The following EYS variants were observed in gnomAD, a reference collection of about 807,000 sequenced individuals.
EYS encodes protein eyes shut homolog.
EYS carries 250 observed loss-of-function variants against 282.1 expected under a neutral mutation model. The observed-to-expected ratio is 0.89, with a 90% confidence interval of 0.80 to 0.98. The LOEUF is 0.98. EYS is among the 50% of genes least tolerant of loss of function. The probability of loss-of-function intolerance (pLI) is 0.00; values close to 1 mark genes in which losing one functional copy is unlikely to be tolerated. For synonymous variants in EYS, 1,355 were observed against 1,282.9 expected, an observed-to-expected ratio of 1.06 and a Z score of -1.20; for missense variants, 4,016 against 3,709.0, an observed-to-expected ratio of 1.08 and a Z score of -2.15.
At chr6:64,380,910 G>C (rs1772724419) in intron 29 of EYS, among the ~76,000 whole-genome samples, 1 of 151,914 alleles carries the variant, frequency 6.6e-6, no homozygotes, top group Non-Finnish European at 1.5e-5. Flanking sequence ...AGCCACTCAG[G>C]AGGCTGAGGC....
At chr6:63,996,889 A>G (rs985448660) in intron 34 of EYS, among the ~76,000 whole-genome samples, 2 of 152,202 alleles carry the variant, frequency 1.3e-5, no homozygotes. Context: ...AATTACCAGA[A>G]AAACCTCCAA....
Position 65,524,454 on chromosome 6 carries a change from A to G in EYS, c.-332-28461T>C, listed in dbSNP as rs144891015. ...AGTGAGTGGTACCACTTTCATTTCC[A>G]CTCTCTAAATGTTGGACCGTGAATC... On this transcript the variant is annotated intron_variant, in intron 2 of 42. Transcript: ENST00000503581. Among the ~76,000 whole-genome samples, 392 of 151,958 alleles carry G rather than the reference A, an allele frequency of 2.6e-3. 2 individuals are homozygous for G. Among genetic ancestry groups the G allele is most frequent in the African/African-American group, 9.2e-3 (383 of 41,448 alleles).
chr6:64,500,007 AG>A (rs1449559524), intron 26 of EYS, among the ~76,000 whole-genome samples: 1 of 152,086 alleles, frequency 6.6e-6, no homozygotes. Context: ...TTTGATAAAG[AG>A]GGCTTAAAAA....
At chr6:63,765,235 G>C (rs921173645) in intron 40 of EYS, among the ~76,000 whole-genome samples, 15 of 152,040 alleles carry the variant, frequency 9.9e-5, no homozygotes, top group Non-Finnish European at 1.9e-4. Context: ...AACACAGGAG[G>C]CTCCATTTTT....
intron 14 of EYS, among the ~76,000 whole-genome samples, chr6:64,979,169 C>T (rs977297047): frequency 5.3e-5 from 8 of 151,708 alleles, no homozygotes; most frequent in Non-Finnish European, 1.2e-4. Context: ...AAACCAAAAA[C>T]TGTATGACTC....
At chr6:63,934,695 AC>A (rs1161982782) in intron 35 of EYS, among the ~76,000 whole-genome samples, 1 of 148,670 alleles carries the variant, frequency 6.7e-6, no homozygotes, top group East Asian at 2.1e-4. Context: ...TGGGAATTGA[AC>A]AATGAGAACA....
chr6:65,434,359 T>C lies in EYS; in HGVS notation c.863-28992A>G, dbSNP rs532449867. Among the ~76,000 whole-genome samples the C allele has an allele frequency of 2.2e-3, 337 of 151,740 alleles. 1 individual carries two copies. Among genetic ancestry groups the C allele is most frequent in the Non-Finnish European group, 3.4e-3 (232 of 67,870 alleles). Reference sequence around the variant, plus strand: ...TTTTTGAGACGGAGTCTCGCTCTGTTGCCCAGGCTGGAGTGCAGTGGTGCA... The same window carrying C: ...TTTTTGAGACGGAGTCTCGCTCTGTCGCCCAGGCTGGAGTGCAGTGGTGCA... On this transcript the variant is annotated intron_variant, in intron 5 of 42. Coordinates refer to ENST00000503581, the MANE Select transcript of EYS (RefSeq NM_001142800.2).
chr6:65,599,176 G>A (rs1254065179), intron 2 of EYS, among the ~76,000 whole-genome samples: 4 of 152,014 alleles, frequency 2.6e-5, no homozygotes, highest in African/African-American at 9.7e-5. Context: ...GATTTTGGCA[G>A]ATGAATGTGA....
chr6:63,991,977 A>G (rs904196688), intron 34 of EYS, among the ~76,000 whole-genome samples: 1 of 151,836 alleles, frequency 6.6e-6, no homozygotes, highest in African/African-American at 2.4e-5. Flanking sequence ...CCTGCAAACC[A>G]AGAATACTGT....
chr6:65,009,188 G>A (rs1209400978), intron 13 of EYS, among the ~76,000 whole-genome samples: 4 of 151,928 alleles, frequency 2.6e-5, no homozygotes, highest in Non-Finnish European at 1.5e-5. Flanking sequence ...AAAACTAAGG[G>A]ATCCCACCTC....
At chr6:65,084,334 T>C (rs1328690972) in intron 12 of EYS, among the ~76,000 whole-genome samples, 2 of 152,048 alleles carry the variant, frequency 1.3e-5, no homozygotes, top group Admixed American at 6.6e-5. Flanking sequence ...CGATGAACAG[T>C]AGAAAATCAG....
chr6:63,954,868 CT>C (rs977501540), intron 35 of EYS, among the ~76,000 whole-genome samples: 7 of 152,158 alleles, frequency 4.6e-5, no homozygotes, highest in Non-Finnish European at 8.8e-5. Context: ...TAGCCCAACT[CT>C]TAGAACCTCT....
At chr6:63,835,337 CTA>C (rs918603132) in intron 36 of EYS, among the ~76,000 whole-genome samples, 2 of 150,026 alleles carry the variant, frequency 1.3e-5, no homozygotes, top group Admixed American at 6.7e-5. Context: ...TACTCTCTCT[CTA>C]TATATATATA....
intron 36 of EYS, among the ~76,000 whole-genome samples, chr6:63,811,896 T>A (rs1771056450): frequency 6.6e-6 from 1 of 152,174 alleles, no homozygotes; most frequent in African/African-American, 2.4e-5. Flanking sequence ...AACTTCATCT[T>A]CAAAATATAT....
intron 36 of EYS, among the ~76,000 whole-genome samples, chr6:63,839,202 T>C (rs1369127436): frequency 6.6e-6 from 1 of 152,214 alleles, no homozygotes; most frequent in Non-Finnish European, 1.5e-5. Context: ...AACTAACCTT[T>C]GGCTATCCCC....
intron 35 of EYS, among the ~76,000 whole-genome samples, chr6:63,878,332 C>A (rs1040229505): frequency 6.6e-6 from 1 of 152,180 alleles, no homozygotes; most frequent in Non-Finnish European, 1.5e-5. Context: ...GATCCTTGGT[C>A]TGGAAGCTTC....
chr6:64,886,927 C>A, intron 18 of EYS, 85 bp from the exon 19 acceptor site: 1 of 831,334 alleles, frequency 1.2e-6, no homozygotes, highest in Non-Finnish European at 1.8e-6. Flanking sequence ...ATTTTAAATT[C>A]AAGACATTCA....
chr6:63,963,780 T>C (rs970556078), intron 35 of EYS, among the ~76,000 whole-genome samples: 1 of 152,186 alleles, frequency 6.6e-6, no homozygotes, highest in African/African-American at 2.4e-5. Context: ...TAGCTTTAAT[T>C]TCATTTAAAT....
At chr6:65,669,825 C>A (rs1368247595) in intron 1 of EYS, among the ~76,000 whole-genome samples, 3 of 151,946 alleles carry the variant, frequency 2.0e-5, no homozygotes, top group African/African-American at 7.2e-5. Context: ...ATGGCTTTGT[C>A]ACACAGGAAT....
Sources: gnomAD v4.1 joint callset for allele counts (sites outside exome capture counted in the v4.1 genomes callset) on GRCh38, gnomAD v4.1.1 for gene constraint, MANE v1.5 for transcripts, NCBI Gene and HGNC (gene_info 2026-07-23, HGNC 2026-07-21) for gene names.